Variants in EPHA3 observed in about 807,000 individuals in gnomAD.
EPHA3 encodes the protein EPH receptor A3.
In EPHA3, 42 loss-of-function variants were observed where a neutral mutation model predicts 107.1. That is an observed-to-expected ratio of 0.39 (90% CI 0.31 to 0.51). The LOEUF is 0.51. Among genes scored for constraint, EPHA3 ranks in the 20% least tolerant of loss-of-function variants. The pLI is 0.78. For synonymous variants in EPHA3, 461 were observed against 424.8 expected (o/e 1.09, Z -1.05); for missense variants, 1,183 against 1,211.2 (o/e 0.98, Z 0.35).
At chr3:89,232,469 G>C (rs533864684) in intron 3 of EPHA3, among the ~76,000 whole-genome samples, 1 of 152,226 alleles carries the variant, frequency 6.6e-6, no homozygotes, top group Non-Finnish European at 1.5e-5. Context: ...AAACAGAAAG[G>C]TGTCAGAGTC....
Position 89,215,399 on chromosome 3 carries a change from G to A in EPHA3, c.814+4879G>A, listed in dbSNP as rs912732280. ...TTTGGTTTGTGACTTCTTAAATATT[G>A]TAGCTCATTTTTGAGTCTCTATAAA... is the stretch of plus-strand genomic sequence containing the variant. On this transcript the variant is annotated intron_variant, in intron 3 of 16. Transcript: ENST00000336596. Among the ~76,000 whole-genome samples, 9 of 151,926 alleles carry A rather than the reference G, an allele frequency of 5.9e-5. No homozygotes were observed. The East Asian group carries it at 1.5e-3, about 26-fold the overall frequency.
intron 2 of EPHA3, among the ~76,000 whole-genome samples, chr3:89,130,057 TA>T (rs1576169872): frequency 1.3e-5 from 2 of 152,044 alleles, no homozygotes; most frequent in African/African-American, 4.8e-5. Context: ...GTTGAGCGAG[TA>T]AGGGAAGAGG....
chr3:89,141,026 G>A (rs759973007), intron 2 of EPHA3, among the ~76,000 whole-genome samples: 1 of 151,490 alleles, frequency 6.6e-6, no homozygotes, highest in Non-Finnish European at 1.5e-5. Context: ...AAGGCCCAAA[G>A]AATTTAAATA....
At chr3:89,330,906 T>A (rs1357804744) in intron 3 of EPHA3, among the ~76,000 whole-genome samples, 3 of 152,174 alleles carry the variant, frequency 2.0e-5, no homozygotes, top group African/African-American at 7.2e-5. Context: ...TATCAAAATT[T>A]TCTGTCAATT....
At chr3:89,435,183 G>A (rs574088460) in intron 13 of EPHA3, among the ~76,000 whole-genome samples, 2 of 152,016 alleles carry the variant, frequency 1.3e-5, no homozygotes, top group South Asian at 2.1e-4. Context: ...TGCTGATATT[G>A]CACAAAATGT....
chr3:89,154,041 C>A (rs1374387995), intron 2 of EPHA3, among the ~76,000 whole-genome samples: 1 of 151,954 alleles, frequency 6.6e-6, no homozygotes. Flanking sequence ...GCCATGAGGC[C>A]CCCCGACATT....
At chr3:89,420,382 G>A (rs1709331665) in intron 11 of EPHA3, among the ~76,000 whole-genome samples, 1 of 151,386 alleles carries the variant, frequency 6.6e-6, no homozygotes, top group South Asian at 2.1e-4. Flanking sequence ...CCTCATGAGA[G>A]CATGGTTTAA....
At chr3:89,323,730 A>G (rs1261726125) in intron 3 of EPHA3, among the ~76,000 whole-genome samples, 5 of 152,116 alleles carry the variant, frequency 3.3e-5, no homozygotes, top group Non-Finnish European at 2.9e-5. Context: ...CGCTCAACTC[A>G]GTAAAGATAG....
Position 89,429,098 on chromosome 3 carries a change from A to G in EPHA3, c.2075-8A>G, listed in dbSNP as rs1372264394. ...CTGATTATTATTTATTATTTACTGT[A>G]TATCTAGGTAAGCCAGTTATGATTG... On this transcript the variant is annotated splice_region_variant and splice_polypyrimidine_tract_variant and intron_variant, in intron 11 of 16. Transcript: ENST00000336596. The G allele has an allele frequency of 1.3e-6, 2 of 1,586,704 alleles. No homozygotes were observed. The highest frequency in any genetic ancestry group is 1.7e-5 in the Admixed American group (1 of 59,876).
chr3:89,243,502 C>T (rs1355318039), intron 3 of EPHA3, among the ~76,000 whole-genome samples: 6 of 152,086 alleles, frequency 3.9e-5, no homozygotes, highest in Admixed American at 1.3e-4. Context: ...TCTCTGATGG[C>T]CAGTGATGAT....
intron 2 of EPHA3, among the ~76,000 whole-genome samples, chr3:89,196,252 A>T (rs772265021): frequency 6.6e-6 from 1 of 152,090 alleles, no homozygotes; most frequent in Non-Finnish European, 1.5e-5. Flanking sequence ...TTCCCAGGCC[A>T]TTCATTTTGA....
At chr3:89,386,506 A>G (rs1708626350) in intron 5 of EPHA3, among the ~76,000 whole-genome samples, 1 of 152,186 alleles carries the variant, frequency 6.6e-6, no homozygotes, top group Non-Finnish European at 1.5e-5. Context: ...ACCTCCACCT[A>G]TATTTCAGAG....
At chr3:89,449,576 A>G (rs1709946606) in intron 14 of EPHA3, among the ~76,000 whole-genome samples, 1 of 152,216 alleles carries the variant, frequency 6.6e-6, no homozygotes, top group African/African-American at 2.4e-5. Flanking sequence ...CCCTCAAGCA[A>G]GGGTTTAGAA....
At chr3:89,476,171 G>A (rs1173717213) in intron 16 of EPHA3, among the ~76,000 whole-genome samples, 5 of 145,044 alleles carry the variant, frequency 3.4e-5, no homozygotes, top group Non-Finnish European at 7.5e-5. Flanking sequence ...ATATATTGTA[G>A]ATAACATATA....
chr3:89,431,115 A>G (rs12639506), intron 12 of EPHA3, 35 bp from the exon 13 acceptor site: 362,370 of 1,588,714 alleles, frequency 0.23, 44,849 homozygotes, highest in Non-Finnish European at 0.25. Context: ...AGAAATAGGA[A>G]CGTATCTTAA....
In EPHA3 at chr3:89,171,509, G is replaced by A. The variant is rs74850269; in HGVS notation, c.154-38351G>A. On this transcript the variant is annotated intron_variant, in intron 2 of 16. Transcript: ENST00000336596. ...TTGAGGCTTATATTGAGTGAATGTC[G>A]TGGGAAGTAATTTTACAAACTCTTC... 1.2e-4 allele frequency among the ~76,000 whole-genome samples: 18 copies of A among 152,234 alleles called. No individual in the cohort carries two copies. In the East Asian group the frequency reaches 2.1e-3, roughly 18 times the overall value.
At chr3:89,115,685 A>G (rs114539463) in intron 1 of EPHA3, among the ~76,000 whole-genome samples, 335 of 152,316 alleles carry the variant, frequency 2.2e-3, no homozygotes, top group Non-Finnish European at 3.5e-3. Context: ...TTCACGACTT[A>G]CTGAACCTCA....
At chr3:89,161,100 A>T (rs1169740792) in intron 2 of EPHA3, among the ~76,000 whole-genome samples, 1 of 152,046 alleles carries the variant, frequency 6.6e-6, no homozygotes, top group Admixed American at 6.6e-5. Context: ...TCTCCACCAA[A>T]CTCTGGTAAG....
In EPHA3 at chr3:89,212,593, ATT is replaced by A. The variant is rs10706823; in HGVS notation, c.814+2084_814+2085del. Among the ~76,000 whole-genome samples the A allele has an allele frequency of 4.8e-3, 719 of 148,800 alleles. 3 individuals carry two copies. Among genetic ancestry groups the A allele is most frequent in the East Asian group, 0.01 (51 of 5,078 alleles). On this transcript the variant is annotated intron_variant, in intron 3 of 16. Transcript: ENST00000336596. ...GTATTAATACCAAGGAAACATCATG[ATT>A]TTTTTTTTTTGTTCTTTTTAATCCA...
Sources: gnomAD v4.1 joint callset for allele counts (sites outside exome capture counted in the v4.1 genomes callset) on GRCh38, gnomAD v4.1.1 for gene constraint, MANE v1.5 for transcripts, NCBI Gene and HGNC (gene_info 2026-07-23, HGNC 2026-07-21) for gene names.